NTF3: variants seen among roughly 807,000 people sequenced by gnomAD.
NTF3 encodes neurotrophin 3.
In NTF3, 8 loss-of-function variants were observed where a neutral mutation model predicts 26.3. The observed-to-expected ratio is 0.30, with a 90% CI of 0.18 to 0.55. The LOEUF (loss-of-function observed/expected upper bound fraction) is 0.55. Ranked by LOEUF, NTF3 falls within the 20% of genes least tolerant of loss-of-function variation. NTF3 has a pLI of 0.93. For synonymous variants in NTF3, 154 were observed against 145.5 expected, an observed-to-expected ratio of 1.06 and a Z score of -0.42; for missense variants, 276 against 352.9, an observed-to-expected ratio of 0.78 and a Z score of 1.75.
At chr12:5,449,353 G>A (rs950320296) in intron 1 of NTF3, among the ~76,000 whole-genome samples, 1 of 152,168 alleles carries the variant, frequency 6.6e-6, no homozygotes. Flanking sequence ...TCACTCTCAC[G>A]GCTCTTCTCC....
Position 5,433,873 on chromosome 12 carries a change from T to C in NTF3, c.18+1531T>C, listed in dbSNP as rs1385912997. On this transcript the variant is annotated intron_variant, in intron 1 of 1. Coordinates refer to ENST00000423158, the MANE Select transcript of NTF3 (RefSeq NM_001102654.2). The surrounding 1 kb of genome is among the most constrained non-coding windows in gnomAD (Gnocchi z 4.6). Reference sequence around the variant, plus strand: ...GGCCTGCTGAGAGGGGAGGGGAGCCTGGAAGGGGTGGGTGTTTCTCCTGGA... The same window carrying C: ...GGCCTGCTGAGAGGGGAGGGGAGCCCGGAAGGGGTGGGTGTTTCTCCTGGA... 6.6e-6 allele frequency among the ~76,000 whole-genome samples: 1 copy of C among 151,788 alleles called. No homozygotes were observed. The highest frequency in any genetic ancestry group is 6.6e-5 in the Admixed American group (1 of 15,228).
chr12:5,476,960 G>A (rs1229953950), intron 1 of NTF3, among the ~76,000 whole-genome samples: 1 of 152,162 alleles, frequency 6.6e-6, no homozygotes, highest in African/African-American at 2.4e-5. Context: ...GGAGCTGATA[G>A]ATGATATATT....
chr12:5,471,590 C>T (rs1591601639), intron 1 of NTF3, among the ~76,000 whole-genome samples: 1 of 151,352 alleles, frequency 6.6e-6, no homozygotes, highest in African/African-American at 2.4e-5. Flanking sequence ...TGTGTCTGTG[C>T]GTTTAGGGGC....
chr12:5,471,325 C>T (rs1461130379), intron 1 of NTF3, among the ~76,000 whole-genome samples: 1 of 152,162 alleles, frequency 6.6e-6, no homozygotes, highest in Non-Finnish European at 1.5e-5. Flanking sequence ...CTTTAGTTCC[C>T]TTATCTGTCA....
intron 1 of NTF3, among the ~76,000 whole-genome samples, chr12:5,467,909 T>C (rs949935965): frequency 1.8e-4 from 27 of 152,312 alleles, no homozygotes; most frequent in Middle Eastern, 6.8e-3. Flanking sequence ...CCCTTGAAAG[T>C]GGAGAGAGAA....
chr12:5,494,733 C>G lies in NTF3; in HGVS notation c.558C>G (p.Val186=). 6.2e-7 allele frequency: 1 copy of G among 1,614,132 alleles called. No individual in the cohort carries two copies. Among genetic ancestry groups the G allele is most frequent in the East Asian group, 2.2e-5 (1 of 44,876 alleles). The change falls in exon 2 of 2, where the codon GTC becomes GTG. Residue 186 remains valine, a synonymous_variant. Coordinates refer to ENST00000423158, the MANE Select transcript of NTF3 (RefSeq NM_001102654.2). The surrounding 1 kb of genome is among the most constrained non-coding windows in gnomAD (Gnocchi z 8.3). ...CCATCGACATTCGGGGACACCAGGT[C>G]ACGGTGCTGGGGGAGATCAAAACGG... is the stretch of plus-strand genomic sequence containing the variant. The part of the protein sequence containing the change: ...SSAIDIRGHQ[V]TVLGEIKTGN...
intron 1 of NTF3, among the ~76,000 whole-genome samples, chr12:5,444,741 A>G (rs1565384917): frequency 1.3e-5 from 2 of 152,186 alleles, no homozygotes; most frequent in African/African-American, 4.8e-5. Flanking sequence ...TTTTAAAAAG[A>G]TCCCTCCGGC....
chr12:5,475,401 T>C (rs1324187769), intron 1 of NTF3, among the ~76,000 whole-genome samples: 2 of 152,180 alleles, frequency 1.3e-5, no homozygotes, highest in Non-Finnish European at 2.9e-5. Flanking sequence ...TAGGGAATTC[T>C]ACTCTCTGGG....
intron 1 of NTF3, among the ~76,000 whole-genome samples, chr12:5,491,085 C>T (rs150744975): frequency 2.8e-4 from 43 of 152,314 alleles, no homozygotes; most frequent in Non-Finnish European, 1.6e-4. Flanking sequence ...ATTTTTGTTG[C>T]GCCTACGAAC....
intron 1 of NTF3, among the ~76,000 whole-genome samples, chr12:5,469,995 G>T (rs1940644167): frequency 6.6e-6 from 1 of 152,206 alleles, no homozygotes; most frequent in Non-Finnish European, 1.5e-5. Flanking sequence ...CGCGATCTCA[G>T]CTCACTGCAA....
chr12:5,467,228 C>CAAAAAAAAAAAAAAAAAAAAAAAAAAAAA (rs60794349), intron 1 of NTF3, among the ~76,000 whole-genome samples: 1 of 49,542 alleles, frequency 2.0e-5, no homozygotes, highest in Non-Finnish European at 3.3e-5. Context: ...GACTCCGTCT[C>CAAAAAAAAAAAAAAAAAAAAAAAAAAAAA]AAAAAAAAAA....
chr12:5,434,587 G>A (rs1940144333), intron 1 of NTF3, among the ~76,000 whole-genome samples: 1 of 151,854 alleles, frequency 6.6e-6, no homozygotes, highest in Non-Finnish European at 1.5e-5. Flanking sequence ...TCTGTCGGAT[G>A]GGCATCTGTG....
In NTF3 at chr12:5,495,113, T is replaced by A; in HGVS notation, c.*125T>A. On this transcript the variant is annotated 3_prime_UTR_variant, in exon 2 of 2. Coordinates refer to ENST00000423158, the MANE Select transcript of NTF3 (RefSeq NM_001102654.2). ...TTTATTTATTAAACTTCAGCAACCCTACAGTATATAAGCTTTTTTCTCAAT... is the reference window on the plus strand; with the variant it reads ...TTTATTTATTAAACTTCAGCAACCCAACAGTATATAAGCTTTTTTCTCAAT... The A allele has an allele frequency of 9.7e-7, 1 of 1,032,746 alleles. No individual in the cohort carries two copies. The highest frequency in any genetic ancestry group is 1.4e-6 in the Non-Finnish European group (1 of 711,774). The allele number at this position is 1,032,746 out of a possible 1,614,324, so 64.0% of individuals were successfully genotyped here.
chr12:5,489,697 G>A (rs534872244), intron 1 of NTF3, among the ~76,000 whole-genome samples: 3 of 152,272 alleles, frequency 2.0e-5, no homozygotes, highest in African/African-American at 7.2e-5. Context: ...TCCTGTGTAG[G>A]GAAGCTGGTC....
intron 1 of NTF3, among the ~76,000 whole-genome samples, chr12:5,481,549 ATATGC>A (rs1565395323): frequency 9.4e-5 from 14 of 149,598 alleles, no homozygotes; most frequent in East Asian, 2.0e-4. Flanking sequence ...CAGAATACAT[ATATGC>A]ACACACACAC....
chr12:5,455,229 T>A (rs1369469061), intron 1 of NTF3, among the ~76,000 whole-genome samples: 1 of 152,310 alleles, frequency 6.6e-6, no homozygotes, highest in African/African-American at 2.4e-5. Flanking sequence ...CCCTCCCAGC[T>A]CCTGTCTCTC....
At chr12:5,452,323 T>C (rs922672643) in intron 1 of NTF3, among the ~76,000 whole-genome samples, 1 of 151,204 alleles carries the variant, frequency 6.6e-6, no homozygotes, top group Admixed American at 6.6e-5. Context: ...TCTCGATCTC[T>C]TGACCTCGTG....
chr12:5,439,888 A>G (rs1054308147), intron 1 of NTF3, among the ~76,000 whole-genome samples: 6 of 152,190 alleles, frequency 3.9e-5, no homozygotes, highest in Admixed American at 1.3e-4. Context: ...GGCCAAAGTT[A>G]AGGTAGGTTT....
chr12:5,454,190 C>T (rs917095229), intron 1 of NTF3, among the ~76,000 whole-genome samples: 3 of 151,998 alleles, frequency 2.0e-5, no homozygotes, highest in South Asian at 2.1e-4. Flanking sequence ...AGCTGCCCCA[C>T]GCCTTCTCCT....
Sources: gnomAD v4.1 joint callset for allele counts (sites outside exome capture counted in the v4.1 genomes callset) on GRCh38, gnomAD v4.1.1 for gene constraint, Gnocchi (gnomAD v3.1) non-coding constraint, MANE v1.5 for transcripts, NCBI Gene and HGNC (gene_info 2026-07-23, HGNC 2026-07-21) for gene names.